The following ARMCX4 variants were observed in gnomAD, a reference collection of about 807,000 sequenced individuals.
The protein encoded by ARMCX4 is armadillo repeat-containing X-linked protein 4.
In ARMCX4, 3 loss-of-function variants were observed where a neutral mutation model predicts 34.7. The observed-to-expected ratio is 0.09, with a 90% CI of 0.04 to 0.22. The LOEUF is 0.22. Ranked by LOEUF, ARMCX4 falls within the 10% of genes least tolerant of loss-of-function variation. ARMCX4 has a pLI of 1.00. For missense variants in ARMCX4, 1,448 were observed against 1,720.8 expected, an observed-to-expected ratio of 0.84 and a Z score of 2.81; for synonymous variants, 513 against 632.8, an observed-to-expected ratio of 0.81 and a Z score of 2.84.
chrX:101,466,438 AT>A (rs782031570), intron 4 of ARMCX4, among the ~76,000 whole-genome samples: 1 of 112,172 alleles, frequency 8.9e-6, no homozygotes, highest in South Asian at 3.7e-4. Context: ...GCATGCAAAT[AT>A]TTATAGCAGC....
chrX:101,509,806 C>G (rs1261776675), intron 10 of ARMCX4: 2 of 112,025 alleles, frequency 1.8e-5, no homozygotes, highest in Admixed American at 9.5e-5. Flanking sequence ...CATTTTTCTA[C>G]TCCAATACTT....
chrX:101,492,174 T>A lies in ARMCX4; in HGVS notation c.3585T>A (p.Gly1195=), dbSNP rs782266151. ...CCAGTGGAGGGCTCTGGGCTGGGGG[T>A]CAGACTAGTGAGGGGACCTGGGCTG... ...EQASGGLWAG[G]QTSEGTWAGD... Residue 1195 remains glycine, a synonymous_variant, in exon 6 of 6, where the codon GGT becomes GGA. Transcript: ENST00000423738. 1.7e-4 allele frequency: 192 copies of A among 1,145,331 alleles called. 1 individual carries two copies. The African/African-American group carries it at 3.0e-3, about 18-fold the overall frequency. 94.4% of individuals were successfully genotyped at this position (1,145,331 alleles called of 1,213,427 possible). A position where few individuals can be genotyped will look rare whatever the true frequency, so the allele number is the denominator to read the frequency against.
At chrX:101,448,132 A>G (rs899568868), downstream of ARMCX4, among the ~76,000 whole-genome samples, 2 of 111,268 alleles carry the variant, frequency 1.8e-5, no homozygotes, top group East Asian at 2.8e-4. Flanking sequence ...ATTTAACATA[A>G]TCACCTCCAG....
At chrX:101,513,008 C>A (rs782395995) in intron 11 of ARMCX4, among the ~76,000 whole-genome samples, 4 of 108,589 alleles carry the variant, frequency 3.7e-5, no homozygotes, top group African/African-American at 1.3e-4. Flanking sequence ...ATGTTGTGAT[C>A]TTGATTCTGA....
At position 101,494,018 on chromosome X, in the gene ARMCX4, AGGCTGGGGCTGG is replaced by A. The variant is rs1569338116; in HGVS notation, c.5435_5446del (p.Gly1812_Ala1815del). On this transcript the variant is annotated inframe_deletion, in exon 6 of 6. Transcript: ENST00000423738. Reference sequence around the variant, plus strand: ...TATATGGGCTCCTGTGTAGGGGCTGAGGCTGGGGCTGGGGCTGAGGCTGGGGCTGGGGCTGAG... The same window carrying A: ...TATATGGGCTCCTGTGTAGGGGCTGAGGCTGAGGCTGGGGCTGGGGCTGAG... The A allele has an allele frequency of 1.8e-4, 18 of 102,618 alleles. No individual in the cohort carries two copies. Among genetic ancestry groups the A allele is most frequent in the Non-Finnish European group, 7.7e-5 (5 of 65,238 alleles). 8.5% of individuals were successfully genotyped at this position (102,618 alleles called of 1,213,427 possible).
chrX:101,535,552 A>T (rs1418773728), downstream of ARMCX4, among the ~76,000 whole-genome samples: 1 of 112,168 alleles, frequency 8.9e-6, no homozygotes, highest in African/African-American at 3.2e-5. Flanking sequence ...GCATGTATAT[A>T]AACATTTTCC....
intron 8 of ARMCX4, among the ~76,000 whole-genome samples, chrX:101,508,446 C>T (rs903993413): frequency 9.0e-6 from 1 of 111,376 alleles, no homozygotes; most frequent in Non-Finnish European, 1.9e-5. Context: ...ATGGCCTTTT[C>T]TCTGTGTGGG....
At chrX:101,510,863 CT>C (rs1556016220) in intron 10 of ARMCX4, among the ~76,000 whole-genome samples, 1 of 111,224 alleles carries the variant, frequency 9.0e-6, no homozygotes, top group Non-Finnish European at 1.9e-5. Flanking sequence ...TGAAATTATC[CT>C]TCTGAAATCG....
At chrX:101,487,091 G>T (rs1343007470) in intron 2 of ARMCX4, 102 bp from the exon 3 acceptor site, 1 of 100,788 alleles carries the variant, frequency 9.9e-6, no homozygotes, top group African/African-American at 3.7e-5. Context: ...CAGCAAATGG[G>T]TCTCTAAATC....
rs1178777551 is a variant in ARMCX4 at position 101,434,622 on chromosome X, AATTT to A, written n.165-9409_165-9406del. Among the ~76,000 whole-genome samples the A allele has an allele frequency of 5.3e-4, 58 of 110,223 alleles. 1 individual carries two copies. Among genetic ancestry groups the A allele is most frequent in the Middle Eastern group, 4.7e-3 (1 of 214 alleles). ...ACTAACATTTTTTTTTATTCTATTC[AATTT>A]ATTTATTTATTTATTTATTTTTTAT... is the stretch of plus-strand genomic sequence containing the variant. On this transcript the variant is annotated intron_variant and non_coding_transcript_variant, in intron 2 of 3. Coordinates refer to the ARMCX4 transcript ENST00000430461.
chrX:101,439,582 G>T (rs781933538), intron 2 of ARMCX4, among the ~76,000 whole-genome samples: 2 of 111,950 alleles, frequency 1.8e-5, no homozygotes, highest in East Asian at 2.8e-4. Flanking sequence ...TTTCCAACTT[G>T]GTTCCATTCT....
intron 2 of ARMCX4, among the ~76,000 whole-genome samples, chrX:101,434,823 T>C: frequency 1.1e-5 from 1 of 94,574 alleles, no homozygotes; most frequent in Admixed American, 1.2e-4. Flanking sequence ...GTGTGTGATG[T>C]TCCCCTTCCT....
At chrX:101,533,688 T>A (rs782189153), downstream of ARMCX4, among the ~76,000 whole-genome samples, 2 of 112,267 alleles carry the variant, frequency 1.8e-5, no homozygotes, top group African/African-American at 3.2e-5. Flanking sequence ...AATAGGTGGA[T>A]ATTTCTTAAA....
rs184116274 is a variant in ARMCX4 at position 101,507,066 on chromosome X, A to T, written c.*1596+1711A>T. On this transcript the variant is annotated intron_variant and NMD_transcript_variant, in intron 8 of 12. Transcript: ENST00000354842. ...AGGATTCAGTTGTCTTATACCTCCC[A>T]TCCTATACACAACCATACTTCTCCC... 9.9e-5 allele frequency among the ~76,000 whole-genome samples: 11 copies of T among 111,274 alleles called. 1 individual carries two copies. Among genetic ancestry groups the T allele is most frequent in the African/African-American group, 3.6e-4 (11 of 30,631 alleles).
Position 101,489,959 on chromosome X carries a change from A to G in ARMCX4, c.1370A>G (p.Asn457Ser), listed in dbSNP as rs1210772422. The G allele has an allele frequency of 2.6e-5, 30 of 1,153,943 alleles. No homozygotes were observed. The highest frequency in any genetic ancestry group is 6.5e-5 in the East Asian group (2 of 30,650). The change falls in exon 6 of 6, where the codon AAT becomes AGT. Residue 457 changes from asparagine (N) to serine (S), a missense_variant. Physicochemically the swap from Asn to Ser is conservative, Grantham distance 46. Coordinates refer to ENST00000423738, the MANE Select transcript of ARMCX4 (RefSeq NM_001256155.3). ...AGGGATAAGAGCAGAGGCAATCCCA[A>G]TGTTATGGCTAAGGTGGGGGATGGG... ...DARDKSRGNP[N>S]VMAKVGDGTD...
intron 4 of ARMCX4, among the ~76,000 whole-genome samples, chrX:101,468,879 A>C (rs782529267): frequency 2.7e-5 from 3 of 111,784 alleles, no homozygotes; most frequent in African/African-American, 3.3e-5. Context: ...GGGAAGAAAA[A>C]AGCCATAAAT....
upstream of ARMCX4, among the ~76,000 whole-genome samples, chrX:101,482,027 A>G (rs1450221422): frequency 1.3e-4 from 15 of 111,369 alleles, no homozygotes; most frequent in Admixed American, 1.4e-3. Flanking sequence ...TGAGGCCAGG[A>G]GTTTGAGACC....
chrX:101,515,356 T>TTTCTTTCTTTCC lies in ARMCX4; in HGVS notation c.*1780+4312_*1780+4313insCTTCTTTCTTTC, dbSNP rs1556017415. Among the ~76,000 whole-genome samples the TTTCTTTCTTTCC allele has an allele frequency of 7.1e-3, 193 of 27,125 alleles. 11 individuals carry two copies. Among genetic ancestry groups the TTTCTTTCTTTCC allele is most frequent in the Non-Finnish European group, 0.012 (169 of 14,425 alleles). The allele number at this position is 27,125 out of a possible 115,157, so 23.6% of individuals were successfully genotyped here. A position where few individuals can be genotyped will look rare whatever the true frequency, so the allele number is the denominator to read the frequency against. ...TCTTTCCTTTCCTTTTCTTTCTTTCTTTCTTTCTTTCTTTCTTTCTTTCTT... is the reference window on the plus strand; with the variant it reads ...TCTTTCCTTTCCTTTTCTTTCTTTCTTTCTTTCTTTCCTTCTTTCTTTCTTTCTTTCTTTCTT... On this transcript the variant is annotated intron_variant and NMD_transcript_variant, in intron 11 of 12. Coordinates refer to the ARMCX4 transcript ENST00000354842.
At chrX:101,449,345 G>T (rs1931848375), downstream of ARMCX4, among the ~76,000 whole-genome samples, 2 of 111,975 alleles carry the variant, frequency 1.8e-5, no homozygotes, top group South Asian at 3.7e-4. Flanking sequence ...TAACAGATTT[G>T]CTCTTTTGAG....
Sources: gnomAD v4.1 joint callset for allele counts (sites outside exome capture counted in the v4.1 genomes callset) on GRCh38, gnomAD v4.1.1 for gene constraint, MANE v1.5 for transcripts, NCBI Gene and HGNC (gene_info 2026-07-23, HGNC 2026-07-21) for gene names.